The following NEGR1 variants were observed in gnomAD, a reference collection of about 807,000 sequenced individuals.
The protein encoded by NEGR1 is IgLON family member 4.
NEGR1 carries 10 observed loss-of-function variants against 40.9 expected under a neutral mutation model. The observed-to-expected ratio is 0.24, with a 90% confidence interval of 0.15 to 0.42. The LOEUF (loss-of-function observed/expected upper bound fraction) is 0.42. NEGR1 is among the 10% of genes least tolerant of loss of function. The probability of loss-of-function intolerance (pLI) is 1.00; values close to 1 mark genes in which losing one functional copy is unlikely to be tolerated. For synonymous variants in NEGR1, 185 were observed against 166.8 expected, an observed-to-expected ratio of 1.11 and a Z score of -0.84; for missense variants, 352 against 438.9, an observed-to-expected ratio of 0.80 and a Z score of 1.77.
chr1:72,193,799 A>C (rs1161620906), intron 1 of NEGR1, among the ~76,000 whole-genome samples: 1 of 151,656 alleles, frequency 6.6e-6, no homozygotes, highest in Non-Finnish European at 1.5e-5. Flanking sequence ...ATTTTTAATC[A>C]TATTAAGGTG....
chr1:71,810,939 C>A (rs1657979667), intron 2 of NEGR1, among the ~76,000 whole-genome samples: 1 of 152,182 alleles, frequency 6.6e-6, no homozygotes, highest in African/African-American at 2.4e-5. Context: ...CAAGAATGGA[C>A]TAATGGATCT....
intron 1 of NEGR1, among the ~76,000 whole-genome samples, chr1:71,940,589 C>T (rs1645949590): frequency 6.6e-6 from 1 of 152,074 alleles, no homozygotes; most frequent in Admixed American, 6.6e-5. Context: ...AAGAATGGCA[C>T]TGCTGCCTAA....
intron 1 of NEGR1, among the ~76,000 whole-genome samples, chr1:72,215,482 T>TACC (rs1653766884): frequency 1.3e-5 from 2 of 152,192 alleles, no homozygotes; most frequent in African/African-American, 4.8e-5. Context: ...AAAGGTCTAG[T>TACC]ATCCAGAATC....
At chr1:72,201,941 T>C (rs1301229645) in intron 1 of NEGR1, among the ~76,000 whole-genome samples, 2 of 151,944 alleles carry the variant, frequency 1.3e-5, no homozygotes, top group Non-Finnish European at 2.9e-5. Flanking sequence ...AGATATTGCA[T>C]TTTTCACAAA....
chr1:71,868,354 C>G (rs1660175893), intron 2 of NEGR1, among the ~76,000 whole-genome samples: 1 of 151,922 alleles, frequency 6.6e-6, no homozygotes, highest in African/African-American at 2.4e-5. Flanking sequence ...TCTTCTAACA[C>G]AAGGGAAATC....
At chr1:72,043,994 A>T (rs901555146) in intron 1 of NEGR1, among the ~76,000 whole-genome samples, 4 of 151,896 alleles carry the variant, frequency 2.6e-5, no homozygotes, top group Non-Finnish European at 5.9e-5. Flanking sequence ...GGCAATATTC[A>T]AAACACTATC....
chr1:71,995,147 G>A (rs545713271), intron 1 of NEGR1, among the ~76,000 whole-genome samples: 4 of 152,222 alleles, frequency 2.6e-5, no homozygotes, highest in African/African-American at 7.2e-5. Flanking sequence ...AAAATTTTCC[G>A]TGGTAATAGT....
At chr1:71,553,327 A>C (rs1157074287) in intron 6 of NEGR1, among the ~76,000 whole-genome samples, 1 of 151,586 alleles carries the variant, frequency 6.6e-6, no homozygotes, top group Non-Finnish European at 1.5e-5. Context: ...TGAACCTGAA[A>C]TCTCTCTGGT....
chr1:72,247,045 G>T (rs1045705185), intron 1 of NEGR1, among the ~76,000 whole-genome samples: 6 of 152,334 alleles, frequency 3.9e-5, no homozygotes, highest in African/African-American at 1.4e-4. Context: ...GATGTAGGGA[G>T]CAGTGTCTCA....
At chr1:71,969,644 G>C (rs1194488159) in intron 1 of NEGR1, among the ~76,000 whole-genome samples, 1 of 152,136 alleles carries the variant, frequency 6.6e-6, no homozygotes, top group Non-Finnish European at 1.5e-5. Flanking sequence ...TCAGTATTCT[G>C]TCTTAATTAT....
chr1:71,616,276 C>T (rs1420166610), intron 4 of NEGR1, among the ~76,000 whole-genome samples: 1 of 152,168 alleles, frequency 6.6e-6, no homozygotes, highest in African/African-American at 2.4e-5. Context: ...CCATCGCTGG[C>T]ATTACTGTCT....
intron 6 of NEGR1, among the ~76,000 whole-genome samples, chr1:71,541,649 AC>A (rs1647707023): frequency 6.6e-6 from 1 of 151,746 alleles, no homozygotes; most frequent in South Asian, 2.1e-4. Context: ...TCAACATGGA[AC>A]AGCAGGAACA....
intron 4 of NEGR1, among the ~76,000 whole-genome samples, chr1:71,694,660 G>A (rs1653415529): frequency 6.6e-6 from 1 of 151,752 alleles, no homozygotes. Flanking sequence ...TCTATATATA[G>A]TGAACGTGGA....
At chr1:72,220,350 A>T (rs1653971080) in intron 1 of NEGR1, among the ~76,000 whole-genome samples, 1 of 151,966 alleles carries the variant, frequency 6.6e-6, no homozygotes, top group Non-Finnish European at 1.5e-5. Context: ...AGTTTTACTG[A>T]AGAATCAGAA....
At chr1:71,511,743 T>C (rs1647074622) in intron 6 of NEGR1, among the ~76,000 whole-genome samples, 1 of 152,204 alleles carries the variant, frequency 6.6e-6, no homozygotes, top group Non-Finnish European at 1.5e-5. Flanking sequence ...TGTCACAAAG[T>C]ATCAGCAGCT....
At chr1:71,511,327 T>A (rs1203475197) in intron 6 of NEGR1, among the ~76,000 whole-genome samples, 2 of 152,236 alleles carry the variant, frequency 1.3e-5, no homozygotes, top group Non-Finnish European at 2.9e-5. Flanking sequence ...TTCTCATGTA[T>A]AAATTGAGTT....
intron 1 of NEGR1, among the ~76,000 whole-genome samples, chr1:72,183,442 C>T (rs1389604737): frequency 6.6e-6 from 1 of 152,104 alleles, no homozygotes; most frequent in Admixed American, 6.6e-5. Context: ...TCTGTCTCTC[C>T]TTCCACAGAC....
rs929922818 is a variant in NEGR1 at position 72,152,667 on chromosome 1, T to C, written c.176+129652A>G. On this transcript the variant is annotated intron_variant, in intron 1 of 6. Coordinates refer to ENST00000357731, the MANE Select transcript of NEGR1 (RefSeq NM_173808.3). ...AAAATCATTCTACCAAAAATAAGCATGTACTTATATGTTCATAGCTGTTCT... is the reference window on the plus strand; with the variant it reads ...AAAATCATTCTACCAAAAATAAGCACGTACTTATATGTTCATAGCTGTTCT... Among the ~76,000 whole-genome samples, 6 of 151,956 alleles carry C rather than the reference T, an allele frequency of 3.9e-5. No individual in the cohort carries two copies. In the South Asian group the frequency reaches 1.0e-3, roughly 26 times the overall value.
At chr1:71,864,638 C>G (rs1024591059) in intron 2 of NEGR1, among the ~76,000 whole-genome samples, 1 of 151,952 alleles carries the variant, frequency 6.6e-6, no homozygotes, top group South Asian at 2.1e-4. Context: ...AGAAATTAAA[C>G]AAAATTCCAA....
Sources: allele counts gnomAD v4.1 joint callset (sites outside exome capture counted in the v4.1 genomes callset), GRCh38; gene constraint gnomAD v4.1.1; transcripts MANE v1.5; gene names NCBI Gene and HGNC (gene_info 2026-07-23, HGNC 2026-07-21).